GRM5: variants seen among roughly 807,000 people sequenced by gnomAD.
GRM5 encodes metabotropic glutamate receptor 5.
Under a neutral mutation model 83.1 loss-of-function variants are expected in GRM5, and 19 were observed. That is an observed-to-expected ratio of 0.23 (90% CI 0.16 to 0.34). The LOEUF is 0.34. GRM5 is among the 10% of genes least tolerant of loss of function. The probability of loss-of-function intolerance (pLI) is 1.00; values close to 1 mark genes in which losing one functional copy is unlikely to be tolerated. For missense variants in GRM5, 1,160 were observed against 1,588.3 expected, an observed-to-expected ratio of 0.73 and a Z score of 4.58; for synonymous variants, 675 against 633.6, an observed-to-expected ratio of 1.07 and a Z score of -0.98.
rs553180994 is a variant in GRM5 at position 88,861,401 on chromosome 11, T to C, written c.662-11246A>G. Among the ~76,000 whole-genome samples, 12 of 152,214 alleles carry C rather than the reference T, an allele frequency of 7.9e-5. No individual in the cohort carries two copies. The South Asian group carries it at 2.5e-3, about 32-fold the overall frequency. On this transcript the variant is annotated intron_variant, in intron 2 of 9. Coordinates refer to ENST00000305447, the MANE Select transcript of GRM5 (RefSeq NM_001143831.3). ...TGGAATACCCTTCTATTTAGCTAAT[T>C]CCTACCCATCCTTCAAGAGTTGGCT...
chr11:89,003,253 G>A (rs530242432), intron 2 of GRM5, among the ~76,000 whole-genome samples: 87 of 152,194 alleles, frequency 5.7e-4, no homozygotes, highest in Non-Finnish European at 8.7e-4. Flanking sequence ...TGAGAGGAAG[G>A]TATTAAAACC....
At chr11:88,742,308 A>G (rs1008775220) in intron 3 of GRM5, among the ~76,000 whole-genome samples, 1 of 152,094 alleles carries the variant, frequency 6.6e-6, no homozygotes, top group South Asian at 2.1e-4. Context: ...TGAAATAAGC[A>G]GGAATAATAT....
rs150609580 is a variant in GRM5 at position 88,653,168 on chromosome 11, T to C, written c.1147A>G (p.Ser383Gly). 3.0e-5 allele frequency: 47 copies of C among 1,542,074 alleles called. No homozygotes were observed. Among genetic ancestry groups the C allele is most frequent in the Non-Finnish European group, 3.9e-5 (44 of 1,114,946 alleles). ...ENSKYNKTCNSSLTLKTHHVQ... is the reference protein window; with the variant it reads ...ENSKYNKTCNGSLTLKTHHVQ... ...TAAATGAAATAATAAATCTGCTTAC[T>C]ATTGCAAGTCTTGTTGTATTTGCTG... The change falls in exon 4 of 10, where the codon AGT becomes GGT. Residue 383 changes from serine to glycine, a missense_variant and splice_region_variant. Around this residue, in one of 9 missense-constraint regions of GRM5, gnomAD observed 132 missense variants for 197.6 expected, o/e 0.67. Transcript: ENST00000305447.
intron 2 of GRM5, among the ~76,000 whole-genome samples, chr11:88,971,839 G>T (rs1939172802): frequency 1.3e-5 from 2 of 152,002 alleles, no homozygotes; most frequent in African/African-American, 4.8e-5. Context: ...AGATACTAGG[G>T]AGCCAGAGCT....
At chr11:88,904,860 T>G (rs960667230) in intron 2 of GRM5, among the ~76,000 whole-genome samples, 1 of 152,190 alleles carries the variant, frequency 6.6e-6, no homozygotes. Flanking sequence ...GAGGTATTTA[T>G]TGGAAAAATG....
chr11:89,060,116 T>C (rs2135171033), intron 1 of GRM5, among the ~76,000 whole-genome samples: 1 of 152,218 alleles, frequency 6.6e-6, no homozygotes, highest in Non-Finnish European at 1.5e-5. Context: ...AATCCCATAA[T>C]GTTTATTGTT....
chr11:88,729,274 C>T (rs1383572141), intron 3 of GRM5, among the ~76,000 whole-genome samples: 1 of 151,822 alleles, frequency 6.6e-6, no homozygotes, highest in African/African-American at 2.4e-5. Flanking sequence ...CTCCCATTCA[C>T]AGTTGCTACA....
At chr11:88,646,697 A>C (rs886505872) in intron 4 of GRM5, among the ~76,000 whole-genome samples, 1 of 152,010 alleles carries the variant, frequency 6.6e-6, no homozygotes, top group South Asian at 2.1e-4. Context: ...TGGGAAAGTC[A>C]AAAATCTTAA....
chr11:88,512,540 C>G (rs1941405135), intron 9 of GRM5, among the ~76,000 whole-genome samples: 1 of 152,140 alleles, frequency 6.6e-6, no homozygotes, highest in African/African-American at 2.4e-5. Context: ...TCTTAATAAG[C>G]ATTTGATGGA....
intron 3 of GRM5, among the ~76,000 whole-genome samples, chr11:88,723,561 G>C (rs956435973): frequency 2.0e-5 from 3 of 151,856 alleles, no homozygotes; most frequent in African/African-American, 7.3e-5. Context: ...TCAAACAAAT[G>C]GTTGTTACTA....
chr11:88,567,080 C>T lies in GRM5; in HGVS notation c.2603G>A (p.Arg868Lys). The change falls in exon 8 of 10, where the codon AGA becomes AAA. Residue 868 changes from arginine (R) to lysine (K), a missense_variant. By Grantham distance (26) the Arg-to-Lys change is conservative (BLOSUM62 2). This residue lies in a region of GRM5 where 562 missense variants were observed against 532.4 expected (regional missense o/e 1.06). Coordinates refer to ENST00000305447, the MANE Select transcript of GRM5 (RefSeq NM_001143831.3). The surrounding 1 kb of genome is among the most constrained non-coding windows in gnomAD (Gnocchi z 7.3). ...TAAGGTTTCCCCAGAGGAGCCCCTT[C>T]TCTTCCACAGGTTGACTAGGCTGCT... ...RSSSLVNLWK[R>K]RGSSGETLRY... 1 of 1,613,034 alleles carries T rather than the reference C, an allele frequency of 6.2e-7. No homozygotes were observed. Among genetic ancestry groups the T allele is most frequent in the Non-Finnish European group, 8.5e-7 (1 of 1,179,292 alleles).
At chr11:88,802,889 T>C (rs956242373) in intron 3 of GRM5, among the ~76,000 whole-genome samples, 4 of 151,476 alleles carry the variant, frequency 2.6e-5, no homozygotes, top group Admixed American at 6.6e-5. Flanking sequence ...TATACACCAA[T>C]AACAGACAAA....
chr11:88,727,758 G>C (rs1431291424), intron 3 of GRM5, among the ~76,000 whole-genome samples: 1 of 152,144 alleles, frequency 6.6e-6, no homozygotes, highest in Admixed American at 6.6e-5. Context: ...CATGGAAACT[G>C]AACAACCTGC....
At chr11:88,903,014 A>AG (rs1341086231) in intron 2 of GRM5, among the ~76,000 whole-genome samples, 1 of 150,496 alleles carries the variant, frequency 6.6e-6, no homozygotes, top group African/African-American at 2.4e-5. Context: ...GCAGAGTAAG[A>AG]GGACAAGCAA....
At chr11:88,905,237 C>T (rs1446271914) in intron 2 of GRM5, among the ~76,000 whole-genome samples, 1 of 152,128 alleles carries the variant, frequency 6.6e-6, no homozygotes, top group Non-Finnish European at 1.5e-5. Flanking sequence ...AACGATAGGG[C>T]CATATTGATG....
At chr11:88,861,511 G>C (rs1182367197) in intron 2 of GRM5, among the ~76,000 whole-genome samples, 1 of 152,044 alleles carries the variant, frequency 6.6e-6, no homozygotes, top group African/African-American at 2.4e-5. Context: ...TGTCACCAAG[G>C]CTGGAGTGCA....
chr11:88,802,492 T>G (rs937002714), intron 3 of GRM5, among the ~76,000 whole-genome samples: 1 of 151,944 alleles, frequency 6.6e-6, no homozygotes, highest in Admixed American at 6.6e-5. Context: ...ACAACCTTCA[T>G]GCTAAAAACT....
chr11:88,864,046 G>A (rs1337595141), intron 2 of GRM5, among the ~76,000 whole-genome samples: 1 of 149,798 alleles, frequency 6.7e-6, no homozygotes, highest in Non-Finnish European at 1.5e-5. Context: ...GCTGTACTAG[G>A]AAAAGGTCTG....
At chr11:88,983,658 G>T (rs1939598394) in intron 2 of GRM5, among the ~76,000 whole-genome samples, 2 of 151,948 alleles carry the variant, frequency 1.3e-5, no homozygotes, top group South Asian at 2.1e-4. Flanking sequence ...ACTAATTTAT[G>T]TACTTCTGAT....
Sources: allele counts gnomAD v4.1 joint callset (sites outside exome capture counted in the v4.1 genomes callset), GRCh38; gene constraint gnomAD v4.1.1; regional missense constraint gnomAD v4.1.1; non-coding constraint Gnocchi (gnomAD v3.1); transcripts MANE v1.5; gene names NCBI Gene and HGNC (gene_info 2026-07-23, HGNC 2026-07-21).